Variants in IQCM observed in about 807,000 individuals in gnomAD.
IQCM encodes the protein IQ domain-containing protein M.
Under a neutral mutation model 57.6 loss-of-function variants are expected in IQCM, and 45 were observed. The ratio of observed to expected loss-of-function variants is 0.78; its 90% CI spans 0.62 to 1.00. The LOEUF is 1.00. IQCM is among the 50% of genes least tolerant of loss of function. IQCM has a pLI of 0.00. For missense variants in IQCM, 468 were observed against 511.6 expected, an observed-to-expected ratio of 0.91 and a Z score of 0.82; for synonymous variants, 148 against 158.9, an observed-to-expected ratio of 0.93 and a Z score of 0.51.
intron 5 of IQCM, among the ~76,000 whole-genome samples, chr4:149,697,372 T>G (rs997571290): frequency 6.6e-6 from 1 of 152,058 alleles, no homozygotes; most frequent in Non-Finnish European, 1.5e-5. Flanking sequence ...GTTGTGCACT[T>G]GTACCCTAGA....
At chr4:149,422,117 C>G (rs1448814792) in intron 13 of IQCM, among the ~76,000 whole-genome samples, 2 of 151,816 alleles carry the variant, frequency 1.3e-5, no homozygotes, top group Non-Finnish European at 2.9e-5. Context: ...CATCATTCTC[C>G]CCTAGGGATA....
At chr4:149,746,837 C>T (rs1767979447) in intron 2 of IQCM, among the ~76,000 whole-genome samples, 1 of 152,156 alleles carries the variant, frequency 6.6e-6, no homozygotes, top group East Asian at 1.9e-4. Flanking sequence ...GAGTTCGTGC[C>T]TCCCTCCTGA....
At position 149,390,379 on chromosome 4, in the gene IQCM, T is replaced by C. The variant is rs998114631; in HGVS notation, c.1391-38313A>G. Among the ~76,000 whole-genome samples, 3 of 151,922 alleles carry C rather than the reference T, an allele frequency of 2.0e-5. No homozygotes were observed. The South Asian group carries it at 6.2e-4, about 31-fold the overall frequency. Reference sequence around the variant, plus strand: ...AGATTTTATCATCTGCAAATAGAAATAGTTTTACTTCTTCCTTCTCCATCT... The same window carrying C: ...AGATTTTATCATCTGCAAATAGAAACAGTTTTACTTCTTCCTTCTCCATCT... On this transcript the variant is annotated intron_variant, in intron 13 of 13. Transcript: ENST00000636793.
chr4:149,506,335 C>A (rs1258299069), intron 12 of IQCM, among the ~76,000 whole-genome samples: 1 of 152,168 alleles, frequency 6.6e-6, no homozygotes, highest in South Asian at 2.1e-4. Flanking sequence ...TATTATATAT[C>A]CCTACAAGAA....
intron 9 of IQCM, among the ~76,000 whole-genome samples, chr4:149,566,811 T>C (rs534752392): frequency 1.3e-5 from 2 of 152,324 alleles, no homozygotes; most frequent in African/African-American, 4.8e-5. Context: ...AAGAACAATT[T>C]ATAGAAGTGA....
intron 13 of IQCM, among the ~76,000 whole-genome samples, chr4:149,421,877 G>A (rs1169134065): frequency 6.6e-6 from 1 of 151,886 alleles, no homozygotes; most frequent in East Asian, 1.9e-4. Flanking sequence ...TATTTAACAG[G>A]CTAATTTATT....
intron 10 of IQCM, among the ~76,000 whole-genome samples, chr4:149,557,802 G>A (rs1052727748): frequency 2.9e-4 from 44 of 152,082 alleles, no homozygotes; most frequent in African/African-American, 9.4e-4. Flanking sequence ...CTTAAAGTCC[G>A]TATAATATGG....
intron 13 of IQCM, among the ~76,000 whole-genome samples, chr4:149,361,894 C>T (rs187931171): frequency 3.9e-5 from 6 of 152,168 alleles, no homozygotes; most frequent in Admixed American, 1.3e-4. Flanking sequence ...CAGCTTGCAC[C>T]GTGTGCCTGG....
intron 5 of IQCM, among the ~76,000 whole-genome samples, chr4:149,699,885 C>A (rs1385104162): frequency 6.6e-6 from 1 of 151,870 alleles, no homozygotes; most frequent in Non-Finnish European, 1.5e-5. Context: ...TGCTTTCCCT[C>A]CCCTTCTGTC....
At chr4:149,429,336 G>C (rs1049202764) in intron 13 of IQCM, among the ~76,000 whole-genome samples, 6 of 151,538 alleles carry the variant, frequency 4.0e-5, no homozygotes, top group African/African-American at 1.5e-4. Flanking sequence ...TATATTCCTG[G>C]AAAAAAATTA....
intron 5 of IQCM, among the ~76,000 whole-genome samples, chr4:149,729,673 C>G (rs1234048530): frequency 6.6e-6 from 1 of 152,060 alleles, no homozygotes; most frequent in Admixed American, 6.5e-5. Context: ...CAGGGTTTCA[C>G]CATGCTGGCC....
At chr4:149,788,312 C>T (rs1813476) in intron 2 of IQCM, among the ~76,000 whole-genome samples, 2,235 of 152,100 alleles carry the variant, frequency 0.015, 30 homozygotes, top group Middle Eastern at 0.058. Context: ...CCAGCCTGGG[C>T]GACAGAGCAA....
chr4:149,715,360 T>C (rs1369447083), intron 5 of IQCM, among the ~76,000 whole-genome samples: 1 of 152,208 alleles, frequency 6.6e-6, no homozygotes, highest in Non-Finnish European at 1.5e-5. Context: ...CACCAACTCC[T>C]GCAAGGCTGC....
intron 2 of IQCM, among the ~76,000 whole-genome samples, chr4:149,743,069 G>C (rs1767607369): frequency 6.6e-6 from 1 of 152,160 alleles, no homozygotes; most frequent in Admixed American, 6.6e-5. Flanking sequence ...CTATGTAGTG[G>C]CATGTGCAAA....
At chr4:149,704,335 T>C (rs1386008210) in intron 5 of IQCM, among the ~76,000 whole-genome samples, 1 of 151,822 alleles carries the variant, frequency 6.6e-6, no homozygotes, top group Non-Finnish European at 1.5e-5. Context: ...AGAACAGGGA[T>C]TGGCAAACCA....
intron 9 of IQCM, among the ~76,000 whole-genome samples, chr4:149,566,168 G>C (rs545717873): frequency 6.6e-6 from 1 of 152,300 alleles, no homozygotes; most frequent in South Asian, 2.1e-4. Flanking sequence ...GAATGCAGGT[G>C]AAATGGTAAT....
chr4:149,540,612 AAAGT>A (rs1747756414), intron 12 of IQCM, among the ~76,000 whole-genome samples: 1 of 152,098 alleles, frequency 6.6e-6, no homozygotes, highest in East Asian at 1.9e-4. Flanking sequence ...CTGAAAATAA[AAAGT>A]AAGTCTTAAA....
chr4:149,789,094 G>A (rs981295245), intron 2 of IQCM, among the ~76,000 whole-genome samples: 1 of 152,074 alleles, frequency 6.6e-6, no homozygotes, highest in Admixed American at 6.6e-5. Flanking sequence ...AGCAAAGTAG[G>A]GTGACTATAG....
chr4:149,407,564 T>G (rs2111159651), intron 13 of IQCM, among the ~76,000 whole-genome samples: 1 of 151,874 alleles, frequency 6.6e-6, no homozygotes, highest in Admixed American at 6.6e-5. Flanking sequence ...GGAAACGGAT[T>G]TTTTTTTAAT....
Sources: allele counts gnomAD v4.1 joint callset (sites outside exome capture counted in the v4.1 genomes callset), GRCh38; gene constraint gnomAD v4.1.1; transcripts MANE v1.5; gene names NCBI Gene and HGNC (gene_info 2026-07-23, HGNC 2026-07-21).